OLA1: variants seen among roughly 807,000 people sequenced by gnomAD.
OLA1 encodes Obg like ATPase 1, also known as obg-like ATPase 1.
A neutral mutation model predicts 48.4 loss-of-function variants in OLA1; 14 were observed. That is an observed-to-expected ratio of 0.29 (90% CI 0.19 to 0.45). The LOEUF (loss-of-function observed/expected upper bound fraction) is 0.45, where lower values mean the gene tolerates loss of function less well. OLA1 is among the 20% of genes least tolerant of loss of function. The pLI, the probability that OLA1 is intolerant of heterozygous loss-of-function variation, is 1.00. For synonymous variants in OLA1, 127 were observed against 150.4 expected (o/e 0.84, Z 1.14); for missense variants, 325 against 467.1 (o/e 0.70, Z 2.80).
chr2:174,119,357 C>A (rs1685855897), intron 7 of OLA1, among the ~76,000 whole-genome samples: 1 of 152,048 alleles, frequency 6.6e-6, no homozygotes, highest in Non-Finnish European at 1.5e-5. Flanking sequence ...AGCAGAATGT[C>A]TGTGTTATAT....
At chr2:174,224,355 G>A (rs780331277) in intron 3 of OLA1, among the ~76,000 whole-genome samples, 1 of 152,158 alleles carries the variant, frequency 6.6e-6, no homozygotes, top group Non-Finnish European at 1.5e-5. Context: ...CTTTGGAGAA[G>A]CTTGCTCTAC....
intron 4 of OLA1, among the ~76,000 whole-genome samples, chr2:174,200,851 T>G (rs1687975878): frequency 6.6e-6 from 1 of 152,072 alleles, no homozygotes; most frequent in African/African-American, 2.4e-5. Flanking sequence ...TTGGTAAAAA[T>G]AAGATCTTGT....
At chr2:174,244,008 G>A (rs757667309) in intron 2 of OLA1, among the ~76,000 whole-genome samples, 32 of 152,292 alleles carry the variant, frequency 2.1e-4, no homozygotes, top group Middle Eastern at 3.4e-3. Context: ...GGAATTACAG[G>A]AGAGACAGGA....
At chr2:174,126,438 T>A (rs1174146584) in intron 5 of OLA1, among the ~76,000 whole-genome samples, 1 of 152,186 alleles carries the variant, frequency 6.6e-6, no homozygotes, top group African/African-American at 2.4e-5. Context: ...TAAATTGGGC[T>A]GTTTTGGTAA....
chr2:174,197,366 C>A (rs1687900139), intron 4 of OLA1, among the ~76,000 whole-genome samples: 2 of 151,990 alleles, frequency 1.3e-5, no homozygotes, highest in Admixed American at 1.3e-4. Flanking sequence ...CTACTACCAC[C>A]ACCTAAGGAT....
At chr2:174,247,862 T>G (rs1689161821) in intron 1 of OLA1, 1 of 1,441,118 alleles carries the variant, frequency 6.9e-7, no homozygotes, top group Middle Eastern at 2.1e-4. Context: ...AAATCATGCG[T>G]GCAGAATTAC....
chr2:174,136,652 T>C (rs572657233), intron 5 of OLA1, among the ~76,000 whole-genome samples: 1 of 151,960 alleles, frequency 6.6e-6, no homozygotes, highest in African/African-American at 2.4e-5. Flanking sequence ...TGTTTTGACC[T>C]CTCATGAATC....
At chr2:174,232,511 A>C (rs1237700667) in intron 2 of OLA1, among the ~76,000 whole-genome samples, 1 of 152,128 alleles carries the variant, frequency 6.6e-6, no homozygotes, top group Admixed American at 6.5e-5. Flanking sequence ...AAGGCCTAAA[A>C]ACAGCAACAC....
intron 5 of OLA1, among the ~76,000 whole-genome samples, chr2:174,134,076 T>C (rs988204333): frequency 6.6e-6 from 1 of 152,238 alleles, no homozygotes; most frequent in African/African-American, 2.4e-5. Flanking sequence ...CATAATGTTT[T>C]TGAGGCTCAT....
At chr2:174,080,586 A>T (rs1304849399) in intron 9 of OLA1, among the ~76,000 whole-genome samples, 1 of 122,970 alleles carries the variant, frequency 8.1e-6, no homozygotes, top group African/African-American at 2.9e-5. Flanking sequence ...TTTTTAAAGA[A>T]GTAAGACTGA....
At position 174,160,934 on chromosome 2, in the gene OLA1, C is replaced by T. The variant is rs564451215; in HGVS notation, c.374-18934G>A. ...ATGATCAGCTTCACAGAACCCTAAA[C>T]GACAAGAAAACTTACATATTTTAAA... On this transcript the variant is annotated intron_variant, in intron 4 of 10. Coordinates refer to ENST00000284719, the MANE Select transcript of OLA1 (RefSeq NM_013341.5). 4.1e-4 allele frequency among the ~76,000 whole-genome samples: 62 copies of T among 152,164 alleles called. No individual in the cohort carries two copies. The Middle Eastern group carries it at 0.01, about 25-fold the overall frequency.
At chr2:174,093,975 G>T (rs1685186049) in intron 7 of OLA1, among the ~76,000 whole-genome samples, 1 of 152,206 alleles carries the variant, frequency 6.6e-6, no homozygotes, top group African/African-American at 2.4e-5. Flanking sequence ...TGTGATCAGA[G>T]ATGGAACTTC....
chr2:174,137,578 GT>G (rs1686340503), intron 5 of OLA1, among the ~76,000 whole-genome samples: 2 of 152,154 alleles, frequency 1.3e-5, no homozygotes, highest in Non-Finnish European at 2.9e-5. Context: ...AACATCTGTT[GT>G]TTTCATTGTC....
intron 7 of OLA1, among the ~76,000 whole-genome samples, chr2:174,083,509 C>A (rs931689523): frequency 2.0e-5 from 3 of 151,690 alleles, no homozygotes; most frequent in Admixed American, 6.6e-5. Flanking sequence ...AAAAATGGAC[C>A]AAGTCCTATG....
At chr2:174,227,095 A>C (rs937683822) in intron 3 of OLA1, among the ~76,000 whole-genome samples, 13 of 145,444 alleles carry the variant, frequency 8.9e-5, no homozygotes, top group African/African-American at 2.3e-4. Context: ...TTCTGTCTTT[A>C]AAAAAAAAAA....
intron 3 of OLA1, among the ~76,000 whole-genome samples, chr2:174,226,964 C>G (rs1688629491): frequency 6.6e-6 from 1 of 152,078 alleles, no homozygotes; most frequent in Non-Finnish European, 1.5e-5. Context: ...GTGGCATGTG[C>G]CTGTAGTCCC....
At chr2:174,181,822 CTA>C (rs1198200875) in intron 4 of OLA1, among the ~76,000 whole-genome samples, 8 of 152,200 alleles carry the variant, frequency 5.3e-5, no homozygotes, top group Non-Finnish European at 1.0e-4. Context: ...CCAACACTTA[CTA>C]TACTATGCTC....
chr2:174,173,601 G>A (rs1338768719), intron 4 of OLA1, among the ~76,000 whole-genome samples: 1 of 151,536 alleles, frequency 6.6e-6, no homozygotes, highest in African/African-American at 2.4e-5. Context: ...GTTAAAAAAG[G>A]TCTTAAATAA....
chr2:174,239,301 T>C (rs544120909), intron 2 of OLA1, among the ~76,000 whole-genome samples: 4 of 152,300 alleles, frequency 2.6e-5, no homozygotes, highest in Middle Eastern at 3.4e-3. Context: ...AAATAACCCT[T>C]TCAGTGAAGA....
Sources: allele counts gnomAD v4.1 joint callset (sites outside exome capture counted in the v4.1 genomes callset), GRCh38; gene constraint gnomAD v4.1.1; transcripts MANE v1.5; gene names NCBI Gene and HGNC (gene_info 2026-07-23, HGNC 2026-07-21).